BTBD9: variants seen among roughly 807,000 people sequenced by gnomAD.
BTBD9 encodes BTB domain containing 9, also known as BTB/POZ domain-containing protein 9.
Under a neutral mutation model 64.3 loss-of-function variants are expected in BTBD9, and 49 were observed. The ratio of observed to expected loss-of-function variants is 0.76; its 90% CI spans 0.61 to 0.97. The LOEUF (loss-of-function observed/expected upper bound fraction) is 0.97, where lower values mean the gene tolerates loss of function less well. BTBD9 is among the 50% of genes least tolerant of loss of function. The pLI, the probability that BTBD9 is intolerant of heterozygous loss-of-function variation, is 0.00. For synonymous variants in BTBD9, 260 were observed against 274.7 expected (o/e 0.95, Z 0.53); for missense variants, 598 against 762.1 (o/e 0.78, Z 2.53).
chr6:38,454,092 TCAAG>T (rs1769680408), intron 6 of BTBD9, among the ~76,000 whole-genome samples: 1 of 152,212 alleles, frequency 6.6e-6, no homozygotes, highest in African/African-American at 2.4e-5. Context: ...TGAAAATTCT[TCAAG>T]CAAGTAGGTT....
chr6:38,221,260 T>C (rs4714131), intron 9 of BTBD9, among the ~76,000 whole-genome samples: 121,188 of 152,080 alleles, frequency 0.8, 48,419 homozygotes, highest in East Asian at 0.93. Flanking sequence ...TCTATTACTG[T>C]CGATAACATC....
chr6:38,251,782 C>T (rs1182916572), intron 9 of BTBD9, among the ~76,000 whole-genome samples: 1 of 151,320 alleles, frequency 6.6e-6, no homozygotes, highest in Non-Finnish European at 1.5e-5. Context: ...ATCTCAACTA[C>T]TTGGGAGACT....
chr6:38,212,643 G>A (rs1446363027), intron 9 of BTBD9, among the ~76,000 whole-genome samples: 1 of 152,222 alleles, frequency 6.6e-6, no homozygotes, highest in Non-Finnish European at 1.5e-5. Flanking sequence ...TCTGGAGGCT[G>A]GTGAGGGGAG....
intron 6 of BTBD9, among the ~76,000 whole-genome samples, chr6:38,410,671 G>T (rs886820974): frequency 6.6e-6 from 1 of 152,052 alleles, no homozygotes; most frequent in African/African-American, 2.4e-5. Flanking sequence ...AACATCTTCA[G>T]TGAGGAAGTT....
At chr6:38,442,661 CTTTTTTTTTT>C (rs11313452) in intron 6 of BTBD9, among the ~76,000 whole-genome samples, 67 of 57,572 alleles carry the variant, frequency 1.2e-3, no homozygotes, top group African/African-American at 4.6e-3. Flanking sequence ...CATTTGTACT[CTTTTTTTTTT>C]TTTTTTTTTT....
chr6:38,274,766 C>G (rs986672138), intron 8 of BTBD9, among the ~76,000 whole-genome samples: 2 of 152,024 alleles, frequency 1.3e-5, no homozygotes, highest in African/African-American at 4.8e-5. Context: ...TGATGTGCTG[C>G]TGGATTCGGT....
Position 38,598,047 on chromosome 6 carries a change from A to G in BTBD9, c.48T>C (p.Ile16=), listed in dbSNP as rs375194054. ...GTTCAGACAAAATGTGCACATGATC[A>G]ATTTCCCCCACTGCAGTAAAGGGGC... ...PLRPFTAVGE[I]DHVHILSEHI... The change falls in exon 2 of 11, where the codon ATT becomes ATC. Residue 16 remains isoleucine (I), a synonymous_variant. Coordinates refer to ENST00000481247, the MANE Select transcript of BTBD9 (RefSeq NM_001099272.2). 2.0e-4 allele frequency: 323 copies of G among 1,613,826 alleles called. No homozygotes were observed. Among genetic ancestry groups the G allele is most frequent in the Non-Finnish European group, 2.5e-4 (296 of 1,179,868 alleles).
At chr6:38,375,612 T>C (rs565408180) in intron 6 of BTBD9, among the ~76,000 whole-genome samples, 1 of 152,316 alleles carries the variant, frequency 6.6e-6, no homozygotes, top group African/African-American at 2.4e-5. Context: ...CAATATCAGA[T>C]CTTTTCTTGC....
At chr6:38,498,479 G>C (rs1024253057) in intron 6 of BTBD9, among the ~76,000 whole-genome samples, 59 of 125,876 alleles carry the variant, frequency 4.7e-4, no homozygotes, top group African/African-American at 1.6e-3. Context: ...AAAAAAACAA[G>C]GCAAGAAGTA....
chr6:38,612,036 C>A (rs1434177486), intron 1 of BTBD9, among the ~76,000 whole-genome samples: 1 of 152,092 alleles, frequency 6.6e-6, no homozygotes, highest in African/African-American at 2.4e-5. Context: ...AGAATCAACA[C>A]CTTAAAATCT....
intron 8 of BTBD9, among the ~76,000 whole-genome samples, chr6:38,287,705 C>T (rs1352884688): frequency 2.0e-5 from 3 of 152,158 alleles, no homozygotes; most frequent in Non-Finnish European, 2.9e-5. Context: ...GCATTTCTTA[C>T]AGTGTGTCTC....
chr6:38,503,045 G>A (rs112044756), intron 6 of BTBD9, among the ~76,000 whole-genome samples: 10 of 152,282 alleles, frequency 6.6e-5, no homozygotes, highest in African/African-American at 2.2e-4. Flanking sequence ...GACATTCTAC[G>A]TGTAATGAAA....
intron 6 of BTBD9, among the ~76,000 whole-genome samples, chr6:38,577,139 C>T (rs899286922): frequency 6.6e-5 from 10 of 152,290 alleles, no homozygotes; most frequent in Admixed American, 6.5e-4. Context: ...AAGGAAAAAA[C>T]AGATAACCAG....
intron 6 of BTBD9, among the ~76,000 whole-genome samples, chr6:38,374,300 T>TATATATATATATATATATAC (rs1562095388): frequency 3.5e-5 from 3 of 86,556 alleles, no homozygotes; most frequent in African/African-American, 2.2e-4. Context: ...TATATATGTA[T>TATATATATATATATATATAC]ATATATGTAT....
At chr6:38,505,479 C>T (rs1488327082) in intron 6 of BTBD9, among the ~76,000 whole-genome samples, 1 of 151,928 alleles carries the variant, frequency 6.6e-6, no homozygotes, top group Non-Finnish European at 1.5e-5. Context: ...ACAAAATTAG[C>T]CAGGCGTGGT....
intron 6 of BTBD9, among the ~76,000 whole-genome samples, chr6:38,387,835 C>T (rs1766245567): frequency 6.6e-6 from 1 of 151,884 alleles, no homozygotes; most frequent in Non-Finnish European, 1.5e-5. Context: ...AGGAGAAGAG[C>T]TAATTCACAG....
chr6:38,617,865 G>A (rs1473971896), intron 1 of BTBD9, among the ~76,000 whole-genome samples: 1 of 152,128 alleles, frequency 6.6e-6, no homozygotes, highest in African/African-American at 2.4e-5. Flanking sequence ...ACAGGTTTTT[G>A]AGAATGCATC....
intron 9 of BTBD9, among the ~76,000 whole-genome samples, chr6:38,206,221 A>ATT (rs548444182): frequency 5.5e-5 from 8 of 146,438 alleles, no homozygotes; most frequent in Admixed American, 6.8e-5. Flanking sequence ...AAACTAAGCA[A>ATT]TTTTTTTTTT....
intron 6 of BTBD9, among the ~76,000 whole-genome samples, chr6:38,516,887 C>T (rs1773052345): frequency 6.6e-6 from 1 of 152,232 alleles, no homozygotes; most frequent in South Asian, 2.1e-4. Context: ...GATTGTGCCT[C>T]TTCTGCCACC....
Sources: allele counts gnomAD v4.1 joint callset (sites outside exome capture counted in the v4.1 genomes callset), GRCh38; gene constraint gnomAD v4.1.1; transcripts MANE v1.5; gene names NCBI Gene and HGNC (gene_info 2026-07-23, HGNC 2026-07-21).